Variants in HTR3A observed in about 807,000 individuals in gnomAD.
HTR3A encodes the protein 5-hydroxytryptamine (serotonin) receptor 3A, ionotropic.
In HTR3A, 45 loss-of-function variants were observed where a neutral mutation model predicts 54.8. The observed-to-expected ratio is 0.82, with a 90% confidence interval of 0.65 to 1.05. HTR3A has a LOEUF of 1.05. Among genes scored for constraint, HTR3A ranks in the 50% least tolerant of loss-of-function variants. HTR3A has a pLI of 0.00. For synonymous variants in HTR3A, 297 were observed against 256.0 expected (o/e 1.16, Z -1.53); for missense variants, 657 against 614.0 (o/e 1.07, Z -0.74).
chr11:113,984,437 G>A (rs1476990330), intron 5 of HTR3A, among the ~76,000 whole-genome samples: 1 of 152,050 alleles, frequency 6.6e-6, no homozygotes, highest in Non-Finnish European at 1.5e-5. Flanking sequence ...GCAACATAAT[G>A]AGACCCTATA....
At position 113,982,999 on chromosome 11, in the gene HTR3A, T is replaced by A; in HGVS notation, c.375-121T>A. 4 of 1,133,500 alleles carry A rather than the reference T, an allele frequency of 3.5e-6. No homozygotes were observed. In the South Asian group the frequency reaches 5.1e-5, roughly 14 times the overall value. The allele number at this position is 1,133,500 out of a possible 1,614,324, so 70.2% of individuals were successfully genotyped here. On this transcript the variant is annotated intron_variant, in intron 4 of 8. Transcript: ENST00000504030. The stretch of plus-strand genomic sequence containing the variant: ...ACCGAGGCCAGGCAAAACATCCAGG[T>A]TATCCGGCTGCCTATACCCTCCCCG...
At chr11:113,984,745 C>T (rs561870861) in intron 5 of HTR3A, among the ~76,000 whole-genome samples, 2 of 152,092 alleles carry the variant, frequency 1.3e-5, no homozygotes, top group Non-Finnish European at 2.9e-5. Flanking sequence ...GGTGAAACCC[C>T]GTCTCTATTA....
Position 113,986,326 on chromosome 11 carries a change from T to G in HTR3A, c.705+151T>G, listed in dbSNP as rs559412565. 3.5e-6 allele frequency: 4 copies of G among 1,148,716 alleles called. No homozygotes were observed. The East Asian group carries it at 9.5e-5, about 27-fold the overall frequency. 71.2% of individuals were successfully genotyped at this position (1,148,716 alleles called of 1,614,324 possible). A position where few individuals can be genotyped will look rare whatever the true frequency, so the allele number is the denominator to read the frequency against. On this transcript the variant is annotated intron_variant, in intron 6 of 8. Coordinates refer to ENST00000504030, the MANE Select transcript of HTR3A (RefSeq NM_000869.6). ...CAGTGAAGTAGATGGAGAAACTCCA[T>G]GAATGTCCCTTACTTATTCTAAACA...
At chr11:113,977,576 G>A (rs1281472922) in intron 1 of HTR3A, 195 bp from the exon 2 acceptor site, 10 of 1,539,524 alleles carry the variant, frequency 6.5e-6, no homozygotes, top group Non-Finnish European at 8.8e-6. Context: ...CTTTCTACAA[G>A]GTAATACATT....
At position 113,979,247 on chromosome 11, in the gene HTR3A, G is replaced by A. The variant is rs370292216; in HGVS notation, c.234G>A (p.Gln78=). The A allele has an allele frequency of 6.2e-6, 10 of 1,613,146 alleles. No individual in the cohort carries two copies. The highest frequency in any genetic ancestry group is 4.0e-5 in the African/African-American group (3 of 74,904). The change falls in exon 3 of 9, where the codon CAG becomes CAA. Residue 78 remains glutamine (Q), a synonymous_variant. Transcript: ENST00000504030. ...TCCTTTCCCAGGATGAGAAGAATCA[G>A]GTGCTGACCACCTACATCTGGTACC... is the stretch of plus-strand genomic sequence containing the variant. ...YAILNVDEKN[Q]VLTTYIWYRQ... is the part of the protein sequence containing the mutation.
intron 8 of HTR3A, among the ~76,000 whole-genome samples, chr11:113,988,688 C>T (rs955889393): frequency 6.6e-6 from 1 of 152,114 alleles, no homozygotes; most frequent in Non-Finnish European, 1.5e-5. Flanking sequence ...CGCTTGAACT[C>T]GGGAGGCAGA....
At chr11:113,983,330 G>A (rs546009528) in intron 5 of HTR3A, 41 bp downstream of exon 5, 35 of 1,608,732 alleles carry the variant, frequency 2.2e-5, no homozygotes, top group Non-Finnish European at 3.0e-5. Flanking sequence ...TGGAGGTTGG[G>A]GGACCCCAGG....
intron 1 of HTR3A, chr11:113,977,442 T>A: frequency 9.1e-7 from 1 of 1,094,206 alleles, no homozygotes; most frequent in Non-Finnish European, 1.3e-6. Context: ...AGGCCCTCGC[T>A]TAGGCCCCGT....
intron 8 of HTR3A, among the ~76,000 whole-genome samples, chr11:113,988,776 CAACAAACAAACA>C (rs57518247): frequency 6.6e-6 from 1 of 151,854 alleles, no homozygotes; most frequent in South Asian, 2.1e-4. Context: ...AACAAACAAA[CAACAAACAAACA>C]AACAAACAAA....
At position 113,983,389 on chromosome 11, in the gene HTR3A, C is replaced by G; in HGVS notation, c.544+100C>G. 3 of 1,206,712 alleles carry G rather than the reference C, an allele frequency of 2.5e-6. No individual in the cohort carries two copies. The South Asian group carries it at 3.6e-5, about 15-fold the overall frequency. 74.8% of individuals were successfully genotyped at this position (1,206,712 alleles called of 1,614,324 possible). A position where few individuals can be genotyped will look rare whatever the true frequency, so the allele number is the denominator to read the frequency against. ...CCAGGGCGCCTTCTCACGTATCCAGCCTACTAATGCCCTGGGCCTCTGCTT... is the reference window on the plus strand; with the variant it reads ...CCAGGGCGCCTTCTCACGTATCCAGGCTACTAATGCCCTGGGCCTCTGCTT... On this transcript the variant is annotated intron_variant, in intron 5 of 8. Coordinates refer to ENST00000504030, the MANE Select transcript of HTR3A (RefSeq NM_000869.6).
intron 2 of HTR3A, 78 bp downstream of exon 2, chr11:113,978,000 A>G (rs568022258): frequency 1.4e-5 from 21 of 1,541,154 alleles, no homozygotes; most frequent in East Asian, 1.3e-4. Flanking sequence ...GTCACCCCCT[A>G]TGCAGCTTGT....
intron 6 of HTR3A, 71 bp from the exon 7 acceptor site, chr11:113,986,447 G>A: frequency 1.3e-6 from 2 of 1,548,270 alleles, no homozygotes; most frequent in African/African-American, 2.7e-5. Context: ...AGGAATCTGA[G>A]CTTGTGGGGT....
Position 113,986,281 on chromosome 11 carries a change from G to T in HTR3A, c.705+106G>T. On this transcript the variant is annotated intron_variant, in intron 6 of 8. Transcript: ENST00000504030. ...TCTATAGCCTTTTTCCAACCCCAGG[G>T]TTGCACACATCTGGAACTTCAGTGA... 4.2e-6 allele frequency: 6 copies of T among 1,414,762 alleles called. No individual in the cohort carries two copies. The South Asian group carries it at 7.0e-5, about 16-fold the overall frequency. The allele number at this position is 1,414,762 out of a possible 1,614,324, so 87.6% of individuals were successfully genotyped here.
In HTR3A at chr11:113,986,903, A is replaced by AG. The variant is rs768799510; in HGVS notation, c.996dup (p.Gln333AlafsTer44). On this transcript the variant is annotated frameshift_variant, in exon 8 of 9. Transcript: ENST00000504030. LOFTEE classifies it high-confidence loss of function. Reference sequence around the variant, plus strand: ...ATCTTCATTGTGCGGCTGGTGCACAAGCAAGACCTGCAGCAGCCCGTGCCT... The same window carrying AG: ...ATCTTCATTGTGCGGCTGGTGCACAAGGCAAGACCTGCAGCAGCCCGTGCCT... 9 of 1,614,038 alleles carry AG rather than the reference A, an allele frequency of 5.6e-6. No homozygotes were observed. The highest frequency in any genetic ancestry group is 7.6e-6 in the Non-Finnish European group (9 of 1,180,038).
Position 113,989,726 on chromosome 11 carries a change from C to G in HTR3A, c.1400C>G (p.Thr467Ser), listed in dbSNP as rs1036432940. The change falls in exon 9 of 9, where the codon ACC (threonine) becomes AGC (serine). Residue 467 changes from threonine (T) to serine (S), a missense_variant. Thr to Ser is a moderately conservative substitution (Grantham distance 58, BLOSUM62 1). Transcript: ENST00000504030. This position sits in a 1 kb window ranked among gnomAD's most constrained non-coding sequence, Gnocchi z 4.4. ...CTAGCGGTGCTGGCCTACAGCATCA[C>G]CCTGGTTATGCTCTGGTCCATCTGG... ...YLLAVLAYSI[T>S]LVMLWSIWQY... The G allele has an allele frequency of 1.9e-6, 3 of 1,613,192 alleles. No homozygotes were observed. The highest frequency in any genetic ancestry group is 2.5e-6 in the Non-Finnish European group (3 of 1,180,026).
chr11:113,989,953 A>G lies in HTR3A; in HGVS notation c.*190A>G, dbSNP rs773951630. 2 of 744,200 alleles carry G rather than the reference A, an allele frequency of 2.7e-6. No homozygotes were observed. Among genetic ancestry groups the G allele is most frequent in the East Asian group, 2.7e-5 (1 of 37,200 alleles). 46.1% of individuals were successfully genotyped at this position (744,200 alleles called of 1,614,324 possible). Reference sequence around the variant, plus strand: ...CAAGGTCTGAACCCTTCCACCAAAAACTGGGTGTTCAAGGCCCTTACACCC... The same window carrying G: ...CAAGGTCTGAACCCTTCCACCAAAAGCTGGGTGTTCAAGGCCCTTACACCC... On this transcript the variant is annotated 3_prime_UTR_variant, in exon 9 of 9. Transcript: ENST00000504030. The surrounding 1 kb of genome is among the most constrained non-coding windows in gnomAD (Gnocchi z 4.4).
rs927498312 is a variant in HTR3A, at chr11:113,975,376, C to T, written c.51C>T (p.Leu17=). ...QALLALLLPT[L]LAQGEARRSR... ...TGCTCGCCTTGCTCCTCCCCACACT[C>T]CTGGCACAGGGAGAAGGTAAGCAGA... Residue 17 remains leucine, a synonymous_variant, in exon 1 of 9, where the codon CTC becomes CTT. Transcript: ENST00000504030. The T allele has an allele frequency of 6.2e-7, 1 of 1,612,726 alleles. No individual in the cohort carries two copies. Among genetic ancestry groups the T allele is most frequent in the South Asian group, 1.1e-5 (1 of 91,074 alleles).
intron 1 of HTR3A, among the ~76,000 whole-genome samples, chr11:113,976,746 G>C (rs762821268): frequency 5.4e-5 from 8 of 146,996 alleles, no homozygotes; most frequent in Non-Finnish European, 1.0e-4. Context: ...ACACAGTCTT[G>C]TTTAGCAAAA....
intron 1 of HTR3A, among the ~76,000 whole-genome samples, chr11:113,976,399 C>T (rs963720283): frequency 7.9e-5 from 12 of 152,038 alleles, no homozygotes; most frequent in Admixed American, 4.6e-4. Flanking sequence ...GTAGTAAAGA[C>T]GCACACGGGT....
Sources: gnomAD v4.1 joint callset for allele counts (sites outside exome capture counted in the v4.1 genomes callset) on GRCh38, gnomAD v4.1.1 for gene constraint, Gnocchi (gnomAD v3.1) non-coding constraint, MANE v1.5 for transcripts, NCBI Gene and HGNC (gene_info 2026-07-23, HGNC 2026-07-21) for gene names.